CNTFR: variants seen among roughly 807,000 people sequenced by gnomAD.
CNTFR encodes ciliary neurotrophic factor receptor subunit alpha.
In CNTFR, 12 loss-of-function variants were observed where a neutral mutation model predicts 40.4. The ratio of observed to expected loss-of-function variants is 0.30; its 90% CI spans 0.19 to 0.48. The LOEUF (loss-of-function observed/expected upper bound fraction) is 0.48. CNTFR is among the 20% of genes least tolerant of loss of function. CNTFR has a pLI of 0.99. For missense variants in CNTFR, 414 were observed against 506.8 expected, an observed-to-expected ratio of 0.82 and a Z score of 1.76; for synonymous variants, 202 against 209.6, an observed-to-expected ratio of 0.96 and a Z score of 0.31.
intron 7 of CNTFR, 150 bp from the exon 8 acceptor site, chr9:34,553,004 A>G: frequency 1.4e-6 from 1 of 704,326 alleles, no homozygotes; most frequent in Non-Finnish European, 2.4e-6. Context: ...GAGGACATGG[A>G]GAATATTCTT....
intron 4 of CNTFR, among the ~76,000 whole-genome samples, chr9:34,559,275 G>C (rs954457153): frequency 6.6e-6 from 1 of 152,182 alleles, no homozygotes; most frequent in Non-Finnish European, 1.5e-5. Context: ...TTGCGTGTGC[G>C]TGTCCAGTAT....
Position 34,568,936 on chromosome 9 carries a change from C to A in CNTFR, c.46G>T (p.Ala16Ser), listed in dbSNP as rs745332685. The A allele has an allele frequency of 6.2e-7, 1 of 1,600,992 alleles. No individual in the cohort carries two copies. The stretch of plus-strand genomic sequence containing the variant: ...CTCTGGGCGTAGACAACTGCGGCGG[C>A]GGCGGCAAGCACAGCACAGCAGGCC... ...PWACCAVLAA[A>S]AAVVYAQRHS... The change falls in exon 3 of 10, where the codon GCC becomes TCC. Residue 16 changes from alanine to serine, a missense_variant. Ala to Ser is a moderately conservative substitution (Grantham distance 99). Transcript: ENST00000378980.
intron 1 of CNTFR, chr9:34,582,212 T>C (rs1282478345): frequency 2.0e-5 from 3 of 149,110 alleles, no homozygotes; most frequent in African/African-American, 7.6e-5. Flanking sequence ...GAGGCGAAGG[T>C]TGCACTGAGC....
intron 2 of CNTFR, among the ~76,000 whole-genome samples, chr9:34,577,838 GAA>G (rs1255203875): frequency 8.9e-6 from 1 of 112,862 alleles, no homozygotes; most frequent in African/African-American, 3.6e-5. Context: ...ACAGAGAAGA[GAA>G]AAGAAGAGAG....
In CNTFR at chr9:34,552,467, G is replaced by T. The variant is rs1825672517; in HGVS notation, c.950-138C>A. On this transcript the variant is annotated intron_variant, in intron 8 of 9. Coordinates refer to ENST00000378980, the MANE Select transcript of CNTFR (RefSeq NM_147164.3). The surrounding 1 kb of genome is among the most constrained non-coding windows in gnomAD (Gnocchi z 5.1). Reference sequence around the variant, plus strand: ...CATCAGGCAGATCCTGTTTCCCAAGGCTCACAGATAACCCCTCCACCCAAT... The same window carrying T: ...CATCAGGCAGATCCTGTTTCCCAAGTCTCACAGATAACCCCTCCACCCAAT... 2 of 1,102,870 alleles carry T rather than the reference G, an allele frequency of 1.8e-6. No individual in the cohort carries two copies. Among genetic ancestry groups the T allele is most frequent in the Non-Finnish European group, 2.5e-6 (2 of 789,614 alleles). The allele number at this position is 1,102,870 out of a possible 1,614,324, so 68.3% of individuals were successfully genotyped here. A position where few individuals can be genotyped will look rare whatever the true frequency, so the allele number is the denominator to read the frequency against.
At chr9:34,585,933 A>G (rs1445385925) in intron 1 of CNTFR, among the ~76,000 whole-genome samples, 1 of 152,158 alleles carries the variant, frequency 6.6e-6, no homozygotes, top group Non-Finnish European at 1.5e-5. Flanking sequence ...TCAACTCGCC[A>G]TGGGGGGGCA....
rs774783711 is a variant in CNTFR, at chr9:34,552,109, G to T, written c.*-38C>A. On this transcript the variant is annotated intron_variant, in intron 9 of 9. Coordinates refer to ENST00000378980, the MANE Select transcript of CNTFR (RefSeq NM_147164.3). This position sits in a 1 kb window ranked among gnomAD's most constrained non-coding sequence, Gnocchi z 5.1. Reference sequence around the variant, plus strand: ...GCAGGGGCCTGTCAGGGAGGGGGCTGGAGTGGGGGTTCCCTCAGGCTCCCT... The same window carrying T: ...GCAGGGGCCTGTCAGGGAGGGGGCTTGAGTGGGGGTTCCCTCAGGCTCCCT... 21 of 1,595,986 alleles carry T rather than the reference G, an allele frequency of 1.3e-5. No individual in the cohort carries two copies. Among genetic ancestry groups the T allele is most frequent in the Non-Finnish European group, 1.5e-5 (18 of 1,170,172 alleles).
In CNTFR at chr9:34,552,497, C is replaced by G. The variant is rs938704346; in HGVS notation, c.950-168G>C. Reference sequence around the variant, plus strand: ...CAGATAACCCCTCCACCCAATGACCCCTACCAAGGATGTCCAGATAGCAAG... The same window carrying G: ...CAGATAACCCCTCCACCCAATGACCGCTACCAAGGATGTCCAGATAGCAAG... On this transcript the variant is annotated intron_variant, in intron 8 of 9. Coordinates refer to ENST00000378980, the MANE Select transcript of CNTFR (RefSeq NM_147164.3). This position sits in a 1 kb window ranked among gnomAD's most constrained non-coding sequence, Gnocchi z 5.1. 6.6e-6 allele frequency among the ~76,000 whole-genome samples: 1 copy of G among 152,162 alleles called. No homozygotes were observed. Among genetic ancestry groups the G allele is most frequent in the African/African-American group, 2.4e-5 (1 of 41,420 alleles).
At position 34,564,699 on chromosome 9, in the gene CNTFR, C is replaced by G. The variant is rs754393940; in HGVS notation, c.219G>C (p.Gln73His). The change falls in exon 4 of 10, where the codon CAG (glutamine) becomes CAC (histidine). Residue 73 changes from glutamine (Q) to histidine (H), a missense_variant. By Grantham distance (24) the Gln-to-His change is conservative (BLOSUM62 0). This residue lies in a region of CNTFR where 250 missense variants were observed against 269.5 expected (regional missense o/e 0.93). Coordinates refer to ENST00000378980, the MANE Select transcript of CNTFR (RefSeq NM_147164.3). ...DLAPDLLNGSQLVLHGLELGH... is the reference protein window; with the variant it reads ...DLAPDLLNGSHLVLHGLELGH... Reference sequence around the variant, plus strand: ...CCAGTTCCAGGCCATGGAGCACCAGCTGAGAGCCGTTGAGCAGGTCAGGGG... The same window carrying G: ...CCAGTTCCAGGCCATGGAGCACCAGGTGAGAGCCGTTGAGCAGGTCAGGGG... The G allele has an allele frequency of 6.2e-7, 1 of 1,614,102 alleles. No homozygotes were observed. Among genetic ancestry groups the G allele is most frequent in the Non-Finnish European group, 8.5e-7 (1 of 1,179,992 alleles).
chr9:34,562,409 T>G (rs1200978236), intron 4 of CNTFR, among the ~76,000 whole-genome samples: 6 of 152,162 alleles, frequency 3.9e-5, no homozygotes, highest in Non-Finnish European at 8.8e-5. Flanking sequence ...CTCTTCAGTT[T>G]AGACACATTA....
chr9:34,584,366 C>T (rs1827455279), intron 1 of CNTFR, among the ~76,000 whole-genome samples: 1 of 152,250 alleles, frequency 6.6e-6, no homozygotes, highest in Non-Finnish European at 1.5e-5. Flanking sequence ...TCAGTTTCCC[C>T]ATATTCACAC....
chr9:34,564,725 C>T lies in CNTFR; in HGVS notation c.193G>A (p.Ala65Thr). The T allele has an allele frequency of 1.2e-6, 2 of 1,614,084 alleles. No individual in the cohort carries two copies. The highest frequency in any genetic ancestry group is 1.7e-6 in the Non-Finnish European group (2 of 1,180,002). The change falls in exon 4 of 10, where the codon GCC becomes ACC. Residue 65 changes from alanine (A) to threonine (T), a missense_variant. Physicochemically the swap from Ala to Thr is moderately conservative, Grantham distance 58. Around this residue, in one of 3 missense-constraint regions of CNTFR, gnomAD observed 250 missense variants for 269.5 expected, o/e 0.93. Transcript: ENST00000378980. ...VTWRVNGTDL[A>T]PDLLNGSQLV... ...TGAGAGCCGTTGAGCAGGTCAGGGG[C>T]CAGGTCTGTCCCATTTACCCGCCAC...
intron 2 of CNTFR, among the ~76,000 whole-genome samples, chr9:34,576,399 G>A (rs796850026): frequency 1.6e-4 from 24 of 152,224 alleles, no homozygotes; most frequent in African/African-American, 5.8e-4. Flanking sequence ...AGAAGCTCAG[G>A]GCCCCCAGTC....
chr9:34,582,297 A>AAAAAAAAACC (rs56745437), intron 1 of CNTFR: 1 of 142,606 alleles, frequency 7.0e-6, no homozygotes, highest in Non-Finnish European at 1.5e-5. Flanking sequence ...AAAAAAAAAA[A>AAAAAAAAACC]CACAAGCTTT....
intron 1 of CNTFR, among the ~76,000 whole-genome samples, chr9:34,585,390 C>G (rs1203784894): frequency 2.0e-5 from 3 of 152,168 alleles, no homozygotes; most frequent in Non-Finnish European, 4.4e-5. Flanking sequence ...CTCCTAAGCC[C>G]AAGACGGGCC....
intron 2 of CNTFR, among the ~76,000 whole-genome samples, chr9:34,580,577 C>A (rs1042545481): frequency 1.3e-5 from 2 of 152,198 alleles, no homozygotes; most frequent in African/African-American, 4.8e-5. Context: ...CCTTCCGTTC[C>A]GCTCCAGTGC....
chr9:34,570,611 C>T (rs572254480), intron 2 of CNTFR, among the ~76,000 whole-genome samples: 1 of 152,124 alleles, frequency 6.6e-6, no homozygotes, highest in Non-Finnish European at 1.5e-5. Flanking sequence ...AGGAAGTATC[C>T]ACACCACTCC....
chr9:34,552,476 TAA>T lies in CNTFR; in HGVS notation c.950-149_950-148del, dbSNP rs1451411368. ...GATCCTGTTTCCCAAGGCTCACAGA[TAA>T]CCCCTCCACCCAATGACCCCTACCA... is the stretch of plus-strand genomic sequence containing the variant. On this transcript the variant is annotated intron_variant, in intron 8 of 9. Transcript: ENST00000378980. The surrounding 1 kb of genome is among the most constrained non-coding windows in gnomAD (Gnocchi z 5.1). The T allele has an allele frequency of 5.6e-6, 6 of 1,073,384 alleles. No individual in the cohort carries two copies. Among genetic ancestry groups the T allele is most frequent in the Non-Finnish European group, 7.9e-6 (6 of 762,502 alleles). The allele number at this position is 1,073,384 out of a possible 1,614,324, so 66.5% of individuals were successfully genotyped here.
At position 34,564,756 on chromosome 9, in the gene CNTFR, C is replaced by A; in HGVS notation, c.162G>T (p.Ala54=). 6.2e-7 allele frequency: 1 copy of A among 1,614,118 alleles called. No individual in the cohort carries two copies. The highest frequency in any genetic ancestry group is 1.3e-5 in the African/African-American group (1 of 75,016). ...CTGTCCCATTTACCCGCCACGTCAC[C>A]GCAGCATCCCAGTTTGCTGTCCCAC... ...LPCGTANWDA[A]VTWRVNGTDL... Residue 54 remains alanine, a synonymous_variant, in exon 4 of 10, where the codon GCG becomes GCT. Coordinates refer to ENST00000378980, the MANE Select transcript of CNTFR (RefSeq NM_147164.3).
Sources: gnomAD v4.1 joint callset for allele counts (sites outside exome capture counted in the v4.1 genomes callset) on GRCh38, gnomAD v4.1.1 for gene constraint, gnomAD v4.1.1 regional missense constraint, Gnocchi (gnomAD v3.1) non-coding constraint, MANE v1.5 for transcripts, NCBI Gene and HGNC (gene_info 2026-07-23, HGNC 2026-07-21) for gene names.